OSTN: variants seen among roughly 807,000 people sequenced by gnomAD.
OSTN encodes osteocrin.
OSTN carries 9 observed loss-of-function variants against 12.0 expected under a neutral mutation model. The ratio of observed to expected loss-of-function variants is 0.75; its 90% CI spans 0.45 to 1.30. The LOEUF (loss-of-function observed/expected upper bound fraction) is 1.30, where lower values mean the gene tolerates loss of function less well. Ranked by LOEUF, OSTN falls within the 50% of genes most tolerant of loss-of-function variation. OSTN has a pLI of 0.00. For synonymous variants in OSTN, 59 were observed against 56.9 expected (o/e 1.04, Z -0.16); for missense variants, 148 against 152.3 (o/e 0.97, Z 0.15).
At chr3:191,261,870 C>G (rs989742964) in intron 4 of OSTN, among the ~76,000 whole-genome samples, 8 of 152,154 alleles carry the variant, frequency 5.3e-5, no homozygotes, top group Non-Finnish European at 8.8e-5. Context: ...ATGAAATTAG[C>G]AAGTTCTAGG....
chr3:191,240,454 G>C (rs1396010172), intron 3 of OSTN, among the ~76,000 whole-genome samples: 1 of 152,132 alleles, frequency 6.6e-6, no homozygotes, highest in African/African-American at 2.4e-5. Flanking sequence ...CCCCCAAATT[G>C]GGTGTGGTCT....
chr3:191,207,460 G>C (rs767311821), intron 1 of OSTN, among the ~76,000 whole-genome samples: 6 of 151,838 alleles, frequency 4.0e-5, no homozygotes, highest in Non-Finnish European at 7.4e-5. Context: ...ATAGGTGCAT[G>C]AGATCAGATA....
chr3:191,257,891 GC>G (rs1257016577), intron 4 of OSTN, among the ~76,000 whole-genome samples: 1 of 152,126 alleles, frequency 6.6e-6, no homozygotes, highest in African/African-American at 2.4e-5. Flanking sequence ...AACATGTATA[GC>G]TATAAATACA....
rs1258012395 is a variant in OSTN at position 191,262,909 on chromosome 3, C to A, written c.*56C>A. 1 of 701,918 alleles carries A rather than the reference C, an allele frequency of 1.4e-6. No individual in the cohort carries two copies. The highest frequency in any genetic ancestry group is 1.5e-5 in the South Asian group (1 of 67,504). 43.5% of individuals were successfully genotyped at this position (701,918 alleles called of 1,614,324 possible). ...AAATGTCACAGCAATATGGAAGATG[C>A]TTCACTGAAGTTATTCACACTTCTT... On this transcript the variant is annotated 3_prime_UTR_variant, in exon 5 of 5. Coordinates refer to ENST00000682035, the MANE Select transcript of OSTN (RefSeq NM_198184.2).
chr3:191,257,365 A>G (rs1253623290), intron 4 of OSTN, among the ~76,000 whole-genome samples: 2 of 152,030 alleles, frequency 1.3e-5, no homozygotes, highest in Non-Finnish European at 2.9e-5. Flanking sequence ...CTTTTATTTT[A>G]GTAAAAAATC....
At chr3:191,222,847 G>GT (rs1714804443) in intron 3 of OSTN, among the ~76,000 whole-genome samples, 1 of 152,040 alleles carries the variant, frequency 6.6e-6, no homozygotes, top group African/African-American at 2.4e-5. Context: ...ATGAGAGTGA[G>GT]TGAGTTCTCA....
At chr3:191,220,951 C>G (rs1714746068) in intron 3 of OSTN, among the ~76,000 whole-genome samples, 1 of 152,108 alleles carries the variant, frequency 6.6e-6, no homozygotes, top group African/African-American at 2.4e-5. Flanking sequence ...GAAATCTCAT[C>G]TTGAATTGTA....
At chr3:191,202,245 A>G (rs570569302) in intron 1 of OSTN, among the ~76,000 whole-genome samples, 4 of 152,314 alleles carry the variant, frequency 2.6e-5, no homozygotes, top group Admixed American at 2.6e-4. Flanking sequence ...TCAAGATAGT[A>G]AAACACTATG....
chr3:191,217,455 A>C lies in OSTN; in HGVS notation c.103-1292A>C, dbSNP rs147753781. The stretch of plus-strand genomic sequence containing the variant: ...GTCTGGCACATGGAAGAATGACTAA[A>C]AGTGGGAAGGGAAGAGATTCCCCAG... On this transcript the variant is annotated intron_variant, in intron 2 of 4. Coordinates refer to ENST00000682035, the MANE Select transcript of OSTN (RefSeq NM_198184.2). Among the ~76,000 whole-genome samples, 292 of 152,346 alleles carry C rather than the reference A, an allele frequency of 1.9e-3. 1 individual carries two copies. The highest frequency in any genetic ancestry group is 6.5e-3 in the African/African-American group (272 of 41,586).
At chr3:191,232,104 G>A (rs1234081587) in intron 3 of OSTN, among the ~76,000 whole-genome samples, 1 of 151,834 alleles carries the variant, frequency 6.6e-6, no homozygotes, top group African/African-American at 2.4e-5. Flanking sequence ...GCCGAGGCAG[G>A]CAGAGCACCT....
intron 1 of OSTN, among the ~76,000 whole-genome samples, chr3:191,199,927 T>C (rs1714116396): frequency 2.0e-5 from 3 of 152,150 alleles, no homozygotes; most frequent in African/African-American, 7.2e-5. Context: ...GAAACATACA[T>C]TTGAGCTCTG....
chr3:191,251,811 T>C (rs1202230097), intron 4 of OSTN, among the ~76,000 whole-genome samples: 1 of 152,206 alleles, frequency 6.6e-6, no homozygotes. Context: ...CTCTTCAAGG[T>C]TGTTAAAAAT....
At chr3:191,208,183 G>A (rs150599098) in intron 1 of OSTN, among the ~76,000 whole-genome samples, 203 of 152,156 alleles carry the variant, frequency 1.3e-3, no homozygotes, top group African/African-American at 4.7e-3. Context: ...GTGCATTCAC[G>A]CAATCAATGA....
chr3:191,248,360 A>T (rs1189813281), intron 3 of OSTN, among the ~76,000 whole-genome samples: 4 of 152,234 alleles, frequency 2.6e-5, no homozygotes, highest in African/African-American at 9.6e-5. Flanking sequence ...TATCAGGTAC[A>T]CAGTAAATTA....
chr3:191,227,592 A>C (rs947992719), intron 3 of OSTN, among the ~76,000 whole-genome samples: 2 of 152,200 alleles, frequency 1.3e-5, no homozygotes, highest in African/African-American at 4.8e-5. Flanking sequence ...AAAAAATAAA[A>C]TTATAAACAA....
chr3:191,254,777 C>G (rs778868991), intron 4 of OSTN, among the ~76,000 whole-genome samples: 9 of 152,134 alleles, frequency 5.9e-5, no homozygotes, highest in African/African-American at 2.2e-4. Context: ...TGAAGTACAG[C>G]AAAAATGTGA....
At chr3:191,253,686 T>C (rs181763943) in intron 4 of OSTN, among the ~76,000 whole-genome samples, 1 of 152,246 alleles carries the variant, frequency 6.6e-6, no homozygotes, top group East Asian at 1.9e-4. Context: ...AGAATTTAGA[T>C]GGTGAATGTT....
At chr3:191,246,061 C>T (rs1469795639) in intron 3 of OSTN, among the ~76,000 whole-genome samples, 1 of 88,394 alleles carries the variant, frequency 1.1e-5, no homozygotes, top group African/African-American at 4.7e-5. Context: ...GAGCAAAACT[C>T]TGTCTCAAAA....
intron 4 of OSTN, among the ~76,000 whole-genome samples, chr3:191,252,904 A>G (rs1171245205): frequency 1.3e-5 from 2 of 152,266 alleles, no homozygotes; most frequent in African/African-American, 4.8e-5. Flanking sequence ...CTGTTCACAC[A>G]GTAATACAGC....
Sources: gnomAD v4.1 joint callset for allele counts (sites outside exome capture counted in the v4.1 genomes callset) on GRCh38, gnomAD v4.1.1 for gene constraint, MANE v1.5 for transcripts, NCBI Gene and HGNC (gene_info 2026-07-23, HGNC 2026-07-21) for gene names.